Variants in RTTN observed in about 807,000 individuals in gnomAD.
The protein encoded by RTTN is rotatin.
In RTTN, 182 loss-of-function variants were observed where a neutral mutation model predicts 269.2. The ratio of observed to expected loss-of-function variants is 0.68; its 90% confidence interval spans 0.60 to 0.76. The LOEUF (loss-of-function observed/expected upper bound fraction) is 0.76, where lower values mean the gene tolerates loss of function less well. Ranked by LOEUF, RTTN falls within the 30% of genes least tolerant of loss-of-function variation. The pLI is 0.00. For missense variants in RTTN, 2,545 were observed against 2,608.6 expected (o/e 0.98, Z 0.53); for synonymous variants, 1,006 against 963.5 (o/e 1.04, Z -0.82).
At chr18:70,089,025 C>T (rs2058773473) in intron 30 of RTTN, among the ~76,000 whole-genome samples, 1 of 151,886 alleles carries the variant, frequency 6.6e-6, no homozygotes, top group African/African-American at 2.4e-5. Context: ...TTCAAAATTG[C>T]TAAGCTTCTC....
intron 32 of RTTN, among the ~76,000 whole-genome samples, chr18:70,082,919 C>T (rs2058608753): frequency 6.6e-6 from 1 of 152,132 alleles, no homozygotes; most frequent in African/African-American, 2.4e-5. Flanking sequence ...TCTCAAACTC[C>T]TGGGCTCAAG....
At chr18:70,108,537 C>T (rs1202419564) in intron 28 of RTTN, among the ~76,000 whole-genome samples, 1 of 151,994 alleles carries the variant, frequency 6.6e-6, no homozygotes, top group Non-Finnish European at 1.5e-5. Flanking sequence ...CTGACAAATT[C>T]TTTAAGAGAA....
rs530607287 is a variant in RTTN, at chr18:70,073,872, C to G, written c.4653+34G>C. 4.0e-6 allele frequency: 6 copies of G among 1,508,268 alleles called. No individual in the cohort carries two copies. The Admixed American group carries it at 8.5e-5, about 21-fold the overall frequency. 93.4% of individuals were successfully genotyped at this position (1,508,268 alleles called of 1,614,324 possible). A position where few individuals can be genotyped will look rare whatever the true frequency, so the allele number is the denominator to read the frequency against. On this transcript the variant is annotated intron_variant, in intron 34 of 48. Coordinates refer to ENST00000640769, the MANE Select transcript of RTTN (RefSeq NM_173630.4). The stretch of plus-strand genomic sequence containing the variant: ...GCAAACTCAAATTTTTTCAGAGATT[C>G]AAAATAAAGGACTTATGCATTCTTT...
intron 25 of RTTN, among the ~76,000 whole-genome samples, chr18:70,125,259 T>G (rs539403269): frequency 6.6e-6 from 1 of 152,188 alleles, no homozygotes; most frequent in South Asian, 2.1e-4. Flanking sequence ...TCGGTATACA[T>G]GTAAAAATCA....
At chr18:70,204,572 C>A (rs1600101875) in intron 2 of RTTN, among the ~76,000 whole-genome samples, 1 of 152,122 alleles carries the variant, frequency 6.6e-6, no homozygotes, top group East Asian at 1.9e-4. Context: ...CCTTATGGTC[C>A]CAGCCCCAAC....
intron 14 of RTTN, among the ~76,000 whole-genome samples, chr18:70,164,438 T>C (rs2060933526): frequency 6.6e-6 from 1 of 151,806 alleles, no homozygotes; most frequent in African/African-American, 2.4e-5. Flanking sequence ...GGTCTCAAAC[T>C]CCTGGGCTCC....
rs199597732 is a variant in RTTN at position 70,086,692 on chromosome 18, T to A, written c.4303-8A>T. 5 of 170,722 alleles carry A rather than the reference T, an allele frequency of 2.9e-5. No individual in the cohort carries two copies. Among genetic ancestry groups the A allele is most frequent in the Admixed American group, 1.0e-4 (1 of 9,648 alleles). The allele number at this position is 170,722 out of a possible 1,614,324, so 10.6% of individuals were successfully genotyped here. A position where few individuals can be genotyped will look rare whatever the true frequency, so the allele number is the denominator to read the frequency against. On this transcript the variant is annotated splice_region_variant and splice_polypyrimidine_tract_variant and intron_variant, in intron 31 of 48. Coordinates refer to ENST00000640769, the MANE Select transcript of RTTN (RefSeq NM_173630.4). Reference sequence around the variant, plus strand: ...CTGAAGAATAAATGCCGCCTGAAAATGTAAAAAAAAAAAAAAAAAAAAAAA... The same window carrying A: ...CTGAAGAATAAATGCCGCCTGAAAAAGTAAAAAAAAAAAAAAAAAAAAAAA...
chr18:70,021,781 C>T (rs2056711755), intron 44 of RTTN, among the ~76,000 whole-genome samples: 1 of 152,072 alleles, frequency 6.6e-6, no homozygotes, highest in Admixed American at 6.6e-5. Context: ...TGGACAGCTC[C>T]AGAGGTGTCA....
intron 38 of RTTN, chr18:70,053,298 C>G (rs761686352): frequency 6.6e-6 from 1 of 152,234 alleles, no homozygotes; most frequent in Non-Finnish European, 1.5e-5. Context: ...GCCTCACCCT[C>G]TTCTCCCCAG....
chr18:70,142,411 A>AAAAAC, intron 18 of RTTN, 24 bp from the exon 19 acceptor site: 1 of 1,015,240 alleles, frequency 9.8e-7, no homozygotes, highest in Non-Finnish European at 1.5e-6. Flanking sequence ...AAAAAAAAAA[A>AAAAAC]CCAAAATTAC....
rs573660695 is a variant in RTTN at position 70,104,744 on chromosome 18, G to A, written c.3903+4754C>T. The stretch of plus-strand genomic sequence containing the variant: ...AGGACCCTCAGCTGCAGGTCTGCTG[G>A]AGTTTGCTGGAGGTCCACTCCAGAC... On this transcript the variant is annotated intron_variant, in intron 28 of 48. Transcript: ENST00000640769. Among the ~76,000 whole-genome samples the A allele has an allele frequency of 2.6e-5, 4 of 152,300 alleles. No individual in the cohort carries two copies. The South Asian group carries it at 8.3e-4, about 32-fold the overall frequency.
At chr18:70,039,172 T>TA (rs1050303365) in intron 40 of RTTN, among the ~76,000 whole-genome samples, 2 of 151,998 alleles carry the variant, frequency 1.3e-5, no homozygotes, top group African/African-American at 4.8e-5. Context: ...TCAGAGAACT[T>TA]ACAAAACTTA....
intron 10 of RTTN, among the ~76,000 whole-genome samples, chr18:70,178,944 T>G (rs1475107712): frequency 6.6e-6 from 1 of 152,130 alleles, no homozygotes; most frequent in African/African-American, 2.4e-5. Context: ...TAACTCAGTC[T>G]TTTTGAACAT....
intron 8 of RTTN, 31 bp from the exon 9 acceptor site, chr18:70,190,750 T>TAC: frequency 6.6e-7 from 1 of 1,514,064 alleles, no homozygotes; most frequent in Non-Finnish European, 9.1e-7. Flanking sequence ...AAACCTTGCA[T>TAC]ACAGAAACAA....
chr18:70,097,926 T>A (rs1568373720), intron 28 of RTTN, among the ~76,000 whole-genome samples: 1 of 152,324 alleles, frequency 6.6e-6, no homozygotes, highest in Non-Finnish European at 1.5e-5. Flanking sequence ...AACACTTCAC[T>A]TCTTCTTTAG....
At chr18:70,137,314 G>A (rs1220274099) in intron 21 of RTTN, among the ~76,000 whole-genome samples, 1 of 151,930 alleles carries the variant, frequency 6.6e-6, no homozygotes, top group African/African-American at 2.4e-5. Flanking sequence ...TCACACAGAT[G>A]GTATAGTAAA....
chr18:70,184,919 T>G (rs1482740334), intron 10 of RTTN, among the ~76,000 whole-genome samples: 1 of 150,996 alleles, frequency 6.6e-6, no homozygotes, highest in Non-Finnish European at 1.5e-5. Flanking sequence ...AAGAACAAAG[T>G]TGAAGGACTT....
intron 11 of RTTN, among the ~76,000 whole-genome samples, chr18:70,173,354 A>C (rs1452497958): frequency 3.3e-5 from 5 of 151,912 alleles, no homozygotes; most frequent in Non-Finnish European, 7.4e-5. Context: ...TTAGCCGGGC[A>C]TGGTGGGGCA....
At chr18:70,042,366 C>CTTTTTTTTTT (rs1017125527) in intron 40 of RTTN, among the ~76,000 whole-genome samples, 1 of 78,070 alleles carries the variant, frequency 1.3e-5, no homozygotes, top group Non-Finnish European at 2.7e-5. Flanking sequence ...TTGGAATTTT[C>CTTTTTTTTTT]TTTTTTTTTT....
Sources: allele counts gnomAD v4.1 joint callset (sites outside exome capture counted in the v4.1 genomes callset), GRCh38; gene constraint gnomAD v4.1.1; transcripts MANE v1.5; gene names NCBI Gene and HGNC (gene_info 2026-07-23, HGNC 2026-07-21).